The following ARHGAP20 variants were observed in gnomAD, a reference collection of about 807,000 sequenced individuals.
The protein encoded by ARHGAP20 is Rho GTPase activating protein 20.
Under a neutral mutation model 73.7 loss-of-function variants are expected in ARHGAP20, and 34 were observed. The ratio of observed to expected loss-of-function variants is 0.46; its 90% CI spans 0.35 to 0.61. ARHGAP20 has a LOEUF of 0.61. ARHGAP20 is among the 20% of genes least tolerant of loss of function. ARHGAP20 has a pLI of 0.00. For missense variants in ARHGAP20, 1,314 were observed against 1,420.9 expected (o/e 0.92, Z 1.21); for synonymous variants, 523 against 518.2 (o/e 1.01, Z -0.13).
intron 6 of ARHGAP20, among the ~76,000 whole-genome samples, chr11:110,612,321 G>A (rs961144335): frequency 1.3e-5 from 2 of 151,484 alleles, no homozygotes; most frequent in African/African-American, 4.8e-5. Flanking sequence ...CCAGCTACTC[G>A]GGAGGCTGAG....
rs756269354 is a variant in ARHGAP20 at position 110,581,027 on chromosome 11, T to A, written c.1919A>T (p.Asp640Val). The change falls in exon 15 of 15, where the codon GAC (aspartate) becomes GTC (valine). Residue 640 changes from aspartate to valine, a missense_variant. Around this residue, in one of 3 missense-constraint regions of ARHGAP20, gnomAD observed 230 missense variants for 317.6 expected, o/e 0.72. Coordinates refer to ENST00000683387, the MANE Select transcript of ARHGAP20 (RefSeq NM_001384657.1). ...ATCTTCATCTTTAGAATGGGCCAAG[T>A]CAAAGTCGCTTAGGGTTAAAAGGCC... ...VEGLLTLSDF[D>V]LAHSKDEDVQ... 3 of 1,614,138 alleles carry A rather than the reference T, an allele frequency of 1.9e-6. No individual in the cohort carries two copies. Among genetic ancestry groups the A allele is most frequent in the Non-Finnish European group, 1.7e-6 (2 of 1,180,024 alleles).
intron 1 of ARHGAP20, chr11:110,690,943 C>T (rs1326347398): frequency 1.4e-6 from 2 of 1,440,134 alleles, no homozygotes; most frequent in Non-Finnish European, 1.9e-6. Flanking sequence ...ATGTGTCTGG[C>T]TCTATGCTAA....
At chr11:110,682,874 T>C (rs1950062754) in intron 2 of ARHGAP20, among the ~76,000 whole-genome samples, 1 of 152,140 alleles carries the variant, frequency 6.6e-6, no homozygotes, top group South Asian at 2.1e-4. Flanking sequence ...ATAAAGTAAT[T>C]TATCCAAGGT....
chr11:110,688,953 T>C (rs1950188373), intron 2 of ARHGAP20, among the ~76,000 whole-genome samples: 1 of 152,006 alleles, frequency 6.6e-6, no homozygotes, highest in South Asian at 2.1e-4. Flanking sequence ...GGGATTTGGA[T>C]ATATAACTTA....
At position 110,624,330 on chromosome 11, in the gene ARHGAP20, A is replaced by G; in HGVS notation, c.354-19T>C. On this transcript the variant is annotated intron_variant, in intron 3 of 14. Transcript: ENST00000683387. ...GTTATATCTAGAAAGATAAAAACCA[A>G]ACAGAACCTTTTGTTATTTTGTTTC... The G allele has an allele frequency of 6.6e-7, 1 of 1,511,158 alleles. No individual in the cohort carries two copies. Among genetic ancestry groups the G allele is most frequent in the South Asian group, 1.3e-5 (1 of 77,512 alleles). 93.6% of individuals were successfully genotyped at this position (1,511,158 alleles called of 1,614,324 possible).
chr11:110,642,595 T>C (rs1315674798), intron 2 of ARHGAP20, among the ~76,000 whole-genome samples: 2 of 152,168 alleles, frequency 1.3e-5, no homozygotes, highest in African/African-American at 4.8e-5. Flanking sequence ...GTTTATTGAT[T>C]TGTGTATGCT....
chr11:110,677,923 T>C (rs1430443602), intron 2 of ARHGAP20, among the ~76,000 whole-genome samples: 1 of 152,146 alleles, frequency 6.6e-6, no homozygotes, highest in Non-Finnish European at 1.5e-5. Flanking sequence ...AACTTATACA[T>C]GAATGTTCAC....
chr11:110,648,378 G>A (rs751660104), intron 2 of ARHGAP20, among the ~76,000 whole-genome samples: 1 of 150,274 alleles, frequency 6.7e-6, no homozygotes, highest in Non-Finnish European at 1.5e-5. Flanking sequence ...ATATATATGT[G>A]TGAATCTGAA....
Position 110,630,621 on chromosome 11 carries a change from T to C in ARHGAP20, c.353+7A>G, listed in dbSNP as rs1486767353. The C allele has an allele frequency of 3.7e-6, 6 of 1,613,742 alleles. No homozygotes were observed. The highest frequency in any genetic ancestry group is 3.3e-5 in the Admixed American group (2 of 59,976). On this transcript the variant is annotated splice_region_variant and intron_variant, in intron 3 of 14. Transcript: ENST00000683387. The stretch of plus-strand genomic sequence containing the variant: ...TAATGATAATCAGGAGTATATAGTA[T>C]ACATACTTGATTTTGGCCACAACAA...
intron 1 of ARHGAP20, among the ~76,000 whole-genome samples, chr11:110,694,475 T>C (rs1242639145): frequency 2.6e-5 from 4 of 151,766 alleles, no homozygotes; most frequent in African/African-American, 4.8e-5. Context: ...ATAAAGGTCA[T>C]AACTGAATAT....
chr11:110,708,174 T>C (rs1396805054), intron 1 of ARHGAP20, among the ~76,000 whole-genome samples: 2 of 152,046 alleles, frequency 1.3e-5, no homozygotes, highest in Non-Finnish European at 2.9e-5. Flanking sequence ...CACTAATCAT[T>C]GAGGAAATGC....
intron 2 of ARHGAP20, among the ~76,000 whole-genome samples, chr11:110,663,100 A>G (rs1410385789): frequency 1.3e-5 from 2 of 151,982 alleles, no homozygotes; most frequent in Admixed American, 1.3e-4. Context: ...AAATTAGAAA[A>G]GACCTTAAAA....
At chr11:110,644,624 T>C (rs1469456857) in intron 2 of ARHGAP20, among the ~76,000 whole-genome samples, 2 of 152,284 alleles carry the variant, frequency 1.3e-5, no homozygotes, top group Admixed American at 1.3e-4. Flanking sequence ...GATCCGTATC[T>C]ATCTCCCTAT....
intron 2 of ARHGAP20, among the ~76,000 whole-genome samples, chr11:110,634,598 C>T (rs1415330347): frequency 1.3e-5 from 2 of 152,112 alleles, no homozygotes; most frequent in Non-Finnish European, 2.9e-5. Context: ...GAGTGCTAAT[C>T]CAAGCCTTTT....
intron 1 of ARHGAP20, among the ~76,000 whole-genome samples, chr11:110,694,907 C>T (rs1297218299): frequency 1.3e-5 from 2 of 151,622 alleles, no homozygotes; most frequent in Non-Finnish European, 3.0e-5. Flanking sequence ...CAAATGCACA[C>T]ATATGAAAAC....
chr11:110,674,630 T>TTATA (rs148568539), intron 2 of ARHGAP20, among the ~76,000 whole-genome samples: 2 of 151,620 alleles, frequency 1.3e-5, no homozygotes, highest in African/African-American at 4.8e-5. Context: ...AGATTTCTCA[T>TTATA]TATATATATA....
At chr11:110,620,600 CTT>C (rs1269950068) in intron 4 of ARHGAP20, among the ~76,000 whole-genome samples, 1 of 152,188 alleles carries the variant, frequency 6.6e-6, no homozygotes, top group Non-Finnish European at 1.5e-5. Context: ...GAGCTTCCCT[CTT>C]GTCTTTCACT....
intron 6 of ARHGAP20, among the ~76,000 whole-genome samples, chr11:110,612,830 A>T (rs1948399517): frequency 1.3e-5 from 2 of 152,216 alleles, no homozygotes; most frequent in African/African-American, 4.8e-5. Flanking sequence ...ACAATTTCAA[A>T]CTGTGTTCCT....
chr11:110,683,793 C>G (rs75059948), intron 2 of ARHGAP20, among the ~76,000 whole-genome samples: 1 of 152,002 alleles, frequency 6.6e-6, no homozygotes, highest in South Asian at 2.1e-4. Context: ...TGAATGAGAG[C>G]GATCATCTTT....
Sources: allele counts gnomAD v4.1 joint callset (sites outside exome capture counted in the v4.1 genomes callset), GRCh38; gene constraint gnomAD v4.1.1; regional missense constraint gnomAD v4.1.1; transcripts MANE v1.5; gene names NCBI Gene and HGNC (gene_info 2026-07-23, HGNC 2026-07-21).